Variants in EIF2AK4 observed in about 807,000 individuals in gnomAD.
EIF2AK4 encodes the protein eukaryotic translation initiation factor 2 alpha kinase 4.
In EIF2AK4, 139 loss-of-function variants were observed where a neutral mutation model predicts 211.1. The observed-to-expected ratio is 0.66, with a 90% CI of 0.57 to 0.76. EIF2AK4 has a LOEUF of 0.76. EIF2AK4 is among the 30% of genes least tolerant of loss of function. The probability of loss-of-function intolerance (pLI) is 0.00; values close to 1 mark genes in which losing one functional copy is unlikely to be tolerated. For missense variants in EIF2AK4, 1,664 were observed against 2,043.8 expected (o/e 0.81, Z 3.58); for synonymous variants, 710 against 751.3 (o/e 0.94, Z 0.90).
At chr15:39,958,722 T>C (rs74941129) in intron 6 of EIF2AK4, among the ~76,000 whole-genome samples, 3 of 152,342 alleles carry the variant, frequency 2.0e-5, no homozygotes, top group Non-Finnish European at 4.4e-5. Context: ...CTGTGGCATC[T>C]TGGTGAGTTA....
At position 40,011,233 on chromosome 15, in the gene EIF2AK4, A is replaced by G. The variant is rs768124875; in HGVS notation, c.3694-48A>G. 2.7e-6 allele frequency: 4 copies of G among 1,503,938 alleles called. No homozygotes were observed. In the East Asian group the frequency reaches 6.8e-5, roughly 25 times the overall value. The allele number at this position is 1,503,938 out of a possible 1,614,324, so 93.2% of individuals were successfully genotyped here. A position where few individuals can be genotyped will look rare whatever the true frequency, so the allele number is the denominator to read the frequency against. ...TTCGCCTGGAAATTGTGTCTTGTTCAGTGCCAGATTTCGCGACTCTCATTG... is the reference window on the plus strand; with the variant it reads ...TTCGCCTGGAAATTGTGTCTTGTTCGGTGCCAGATTTCGCGACTCTCATTG... On this transcript the variant is annotated intron_variant, in intron 26 of 38. Transcript: ENST00000263791.
At position 40,011,246 on chromosome 15, in the gene EIF2AK4, G is replaced by A. The variant is rs371906774; in HGVS notation, c.3694-35G>A. The A allele has an allele frequency of 5.3e-5, 85 of 1,598,004 alleles. No homozygotes were observed. The East Asian group carries it at 7.6e-4, about 14-fold the overall frequency. The stretch of plus-strand genomic sequence containing the variant: ...TGTGTCTTGTTCAGTGCCAGATTTC[G>A]CGACTCTCATTGTTACCTTTTTCTT... On this transcript the variant is annotated intron_variant, in intron 26 of 38. Coordinates refer to ENST00000263791, the MANE Select transcript of EIF2AK4 (RefSeq NM_001013703.4).
At chr15:39,983,088 A>G (rs145259377) in intron 13 of EIF2AK4, among the ~76,000 whole-genome samples, 5,184 of 152,280 alleles carry the variant, frequency 0.034, 131 homozygotes, top group Middle Eastern at 0.051. Context: ...GTCAAATGGT[A>G]TTTCTAGTTC....
intron 23 of EIF2AK4, among the ~76,000 whole-genome samples, chr15:40,004,311 G>T (rs1352181593): frequency 1.3e-5 from 2 of 152,178 alleles, no homozygotes; most frequent in African/African-American, 4.8e-5. Context: ...ATGTTAAAAG[G>T]ATGTTAATTG....
At chr15:39,993,448 C>T (rs974845386) in intron 18 of EIF2AK4, among the ~76,000 whole-genome samples, 2 of 152,212 alleles carry the variant, frequency 1.3e-5, no homozygotes, top group Non-Finnish European at 2.9e-5. Flanking sequence ...CAGGGAAGAT[C>T]TCTTGAGAGG....
intron 27 of EIF2AK4, among the ~76,000 whole-genome samples, chr15:40,013,118 A>G (rs1156484831): frequency 6.6e-6 from 1 of 152,110 alleles, no homozygotes; most frequent in African/African-American, 2.4e-5. Flanking sequence ...AATCATTTTT[A>G]TTTTCTTAAA....
chr15:40,029,321 C>T (rs2035507242), intron 33 of EIF2AK4, 85 bp from the exon 34 acceptor site: 1 of 1,453,638 alleles, frequency 6.9e-7, no homozygotes, highest in Non-Finnish European at 9.1e-7. Context: ...AAAAGTGGCT[C>T]ACTATACATG....
In EIF2AK4 at chr15:39,970,482, G is replaced by A. The variant is rs528176386; in HGVS notation, c.1554-2426G>A. On this transcript the variant is annotated intron_variant, in intron 9 of 38. Coordinates refer to ENST00000263791, the MANE Select transcript of EIF2AK4 (RefSeq NM_001013703.4). ...AAATTGGAAATAATCTCAACAGTAGGAGAATGTGTAAATAAATTCTGGTAG... is the reference window on the plus strand; with the variant it reads ...AAATTGGAAATAATCTCAACAGTAGAAGAATGTGTAAATAAATTCTGGTAG... Among the ~76,000 whole-genome samples, 7 of 152,246 alleles carry A rather than the reference G, an allele frequency of 4.6e-5. No individual in the cohort carries two copies. In the East Asian group the frequency reaches 1.2e-3, roughly 25 times the overall value.
In EIF2AK4 at chr15:39,934,217, CCCGGGCGCGGCCGG is replaced by C. The variant is rs2034028227; in HGVS notation, c.23_36del (p.Pro8ArgfsTer42). The C allele has an allele frequency of 1.9e-6, 3 of 1,586,914 alleles. No individual in the cohort carries two copies. The highest frequency in any genetic ancestry group is 2.6e-6 in the Non-Finnish European group (3 of 1,167,992). ...TGCCATGGCTGGGGGCCGTGGGGCCCCCGGGCGCGGCCGGGACGAGCCTCCGGAGAGCTACCCGC... is the reference window on the plus strand; with the variant it reads ...TGCCATGGCTGGGGGCCGTGGGGCCCGACGAGCCTCCGGAGAGCTACCCGC... On this transcript the variant is annotated frameshift_variant, in exon 1 of 39. Coordinates refer to ENST00000263791, the MANE Select transcript of EIF2AK4 (RefSeq NM_001013703.4). LOFTEE classifies it high-confidence loss of function.
chr15:40,024,212 ACCTGTCTTTTTTTTTT>A (rs2035432562), intron 32 of EIF2AK4, among the ~76,000 whole-genome samples: 1 of 147,438 alleles, frequency 6.8e-6, no homozygotes, highest in African/African-American at 2.5e-5. Context: ...TTTATTTTTA[ACCTGTCTTTTTTTTTT>A]AAGAGATGGG....
chr15:39,939,380 C>T, intron 1 of EIF2AK4, 125 bp from the exon 2 acceptor site: 3 of 530,630 alleles, frequency 5.7e-6, no homozygotes, highest in Non-Finnish European at 9.2e-6. Context: ...GCCAGATTAT[C>T]TATTTAAAAT....
At position 40,017,789 on chromosome 15, in the gene EIF2AK4, C is replaced by T. The variant is rs538333251; in HGVS notation, c.4065+547C>T. Among the ~76,000 whole-genome samples the T allele has an allele frequency of 1.4e-4, 21 of 151,816 alleles. No individual in the cohort carries two copies. In the South Asian group the frequency reaches 2.1e-3, roughly 15 times the overall value. On this transcript the variant is annotated intron_variant, in intron 29 of 38. Coordinates refer to ENST00000263791, the MANE Select transcript of EIF2AK4 (RefSeq NM_001013703.4). ...CTCAAACTCCTGAGCTCAAGCAATC[C>T]ACCCACCTCAGCCTCTCAGAGTGCT...
chr15:40,022,562 C>T lies in EIF2AK4; in HGVS notation c.4346C>T (p.Thr1449Ile). The change falls in exon 32 of 39, where the codon ACC becomes ATC. Residue 1449 changes from threonine to isoleucine, a missense_variant. Around this residue, in one of 7 missense-constraint regions of EIF2AK4, gnomAD observed 622 missense variants for 796.8 expected, o/e 0.78. Coordinates refer to ENST00000263791, the MANE Select transcript of EIF2AK4 (RefSeq NM_001013703.4). ...LQEYCRHHEI[T>I]YVALVSDKEG... ...GAGTACTGCAGACATCATGAAATCA[C>T]CTATGTGGCCCTTGTCTCGGATAAA... The T allele has an allele frequency of 6.2e-7, 1 of 1,614,150 alleles. No homozygotes were observed. Among genetic ancestry groups the T allele is most frequent in the African/African-American group, 1.3e-5 (1 of 75,026 alleles).
chr15:40,014,137 C>T (rs1449452601), intron 27 of EIF2AK4, among the ~76,000 whole-genome samples: 2 of 152,244 alleles, frequency 1.3e-5, no homozygotes, highest in African/African-American at 2.4e-5. Context: ...ATGTCTCACA[C>T]CCAGGTGATG....
At chr15:39,991,678 T>TTGACAACAC (rs1271104029) in intron 16 of EIF2AK4, 1 of 155,418 alleles carries the variant, frequency 6.4e-6, no homozygotes, top group Non-Finnish European at 1.4e-5. Context: ...ACTTAGGGTA[T>TTGACAACAC]TGACAACACT....
At position 40,003,301 on chromosome 15, in the gene EIF2AK4, C is replaced by T. The variant is rs774906916; in HGVS notation, c.3344C>T (p.Pro1115Leu). 4 of 1,614,130 alleles carry T rather than the reference C, an allele frequency of 2.5e-6. No individual in the cohort carries two copies. In the Admixed American group the frequency reaches 6.7e-5, roughly 27 times the overall value. ...CACAGCGGGATGCTGGTGATGCTTCCTTTTGACCTGCGGGTGAGGCTGGGA... is the reference window on the plus strand; with the variant it reads ...CACAGCGGGATGCTGGTGATGCTTCTTTTTGACCTGCGGGTGAGGCTGGGA... Reference protein sequence around the residue: ...MDHSGMLVMLPFDLRIPFARY... With the variant: ...MDHSGMLVMLLFDLRIPFARY... Residue 1115 changes from proline (P) to leucine (L), a missense_variant, in exon 23 of 39, where the codon CCT becomes CTT. By Grantham distance (98) the Pro-to-Leu change is moderately conservative. Transcript: ENST00000263791.
intron 6 of EIF2AK4, among the ~76,000 whole-genome samples, chr15:39,958,436 C>T (rs1329236401): frequency 6.6e-6 from 1 of 152,088 alleles, no homozygotes; most frequent in East Asian, 1.9e-4. Context: ...GGCTCCTCAC[C>T]CTTACAGAGA....
At chr15:39,950,971 C>T (rs948673532) in intron 4 of EIF2AK4, among the ~76,000 whole-genome samples, 16 of 152,096 alleles carry the variant, frequency 1.1e-4, no homozygotes, top group Non-Finnish European at 4.4e-5. Flanking sequence ...GCTTTACATC[C>T]CCCCCATTTA....
intron 31 of EIF2AK4, chr15:40,021,920 T>C (rs1458522316): frequency 1.3e-5 from 2 of 152,148 alleles, no homozygotes; most frequent in Non-Finnish European, 2.9e-5. Flanking sequence ...TGTATCAAAA[T>C]TCACATCAGA....
Sources: allele counts gnomAD v4.1 joint callset (sites outside exome capture counted in the v4.1 genomes callset), GRCh38; gene constraint gnomAD v4.1.1; regional missense constraint gnomAD v4.1.1; transcripts MANE v1.5; gene names NCBI Gene and HGNC (gene_info 2026-07-23, HGNC 2026-07-21).